Variants in USP34 observed in about 807,000 individuals in gnomAD.
USP34 encodes ubiquitin specific peptidase 34.
A neutral mutation model predicts 460.3 loss-of-function variants in USP34; 70 were observed. The ratio of observed to expected loss-of-function variants is 0.15; its 90% CI spans 0.13 to 0.19. USP34 has a LOEUF of 0.19. Among genes scored for constraint, USP34 ranks in the 10% least tolerant of loss-of-function variants. The pLI is 1.00. For synonymous variants in USP34, 1,647 were observed against 1,405.3 expected, an observed-to-expected ratio of 1.17 and a Z score of -3.85; for missense variants, 3,985 against 4,236.2, an observed-to-expected ratio of 0.94 and a Z score of 1.65.
intron 5 of USP34, among the ~76,000 whole-genome samples, chr2:61,393,846 T>C (rs903463202): frequency 6.6e-6 from 1 of 152,160 alleles, no homozygotes; most frequent in Non-Finnish European, 1.5e-5. Context: ...TAAAAGTATC[T>C]TTCTTTCCGG....
At chr2:61,215,752 A>G (rs763819059) in intron 67 of USP34, among the ~76,000 whole-genome samples, 7 of 152,230 alleles carry the variant, frequency 4.6e-5, no homozygotes, top group Non-Finnish European at 1.0e-4. Flanking sequence ...TAATAACTAT[A>G]ATAAGAATTG....
intron 75 of USP34, among the ~76,000 whole-genome samples, chr2:61,194,421 G>A (rs1422125648): frequency 3.9e-5 from 6 of 152,344 alleles, no homozygotes; most frequent in African/African-American, 1.4e-4. Context: ...TCAAAGTAGA[G>A]GAAGGGTTAG....
chr2:61,440,895 A>C (rs1304376556), intron 1 of USP34, among the ~76,000 whole-genome samples: 1 of 151,790 alleles, frequency 6.6e-6, no homozygotes, highest in Non-Finnish European at 1.5e-5. Context: ...TGGGAGGCCG[A>C]GACGGGTGGA....
At chr2:61,305,763 A>C (rs1572918057) in intron 27 of USP34, among the ~76,000 whole-genome samples, 2 of 152,204 alleles carry the variant, frequency 1.3e-5, no homozygotes, top group Non-Finnish European at 2.9e-5. Context: ...TGTTAAAGAA[A>C]AATCTTTATA....
intron 62 of USP34, 178 bp downstream of exon 62, chr2:61,226,889 C>A: frequency 1.3e-6 from 1 of 745,802 alleles, no homozygotes; most frequent in East Asian, 3.4e-5. Context: ...TCTTATGCCA[C>A]AAGAGTTGAT....
intron 41 of USP34, among the ~76,000 whole-genome samples, chr2:61,266,828 C>T (rs1449649084): frequency 6.6e-6 from 1 of 152,162 alleles, no homozygotes; most frequent in African/African-American, 2.4e-5. Context: ...CTGACCTTTG[C>T]CTACAGTCTG....
chr2:61,216,616 C>T (rs928995019), intron 67 of USP34, among the ~76,000 whole-genome samples: 1 of 147,410 alleles, frequency 6.8e-6, no homozygotes, highest in Non-Finnish European at 1.5e-5. Flanking sequence ...CAACAAAAAA[C>T]AAAAAACAAA....
chr2:61,468,883 G>C (rs1021211188), intron 1 of USP34, among the ~76,000 whole-genome samples: 1 of 152,092 alleles, frequency 6.6e-6, no homozygotes, highest in African/African-American at 2.4e-5. Flanking sequence ...ACTTTCTTTA[G>C]ATGTTTTGTT....
intron 3 of USP34, among the ~76,000 whole-genome samples, chr2:61,396,665 T>C (rs927469633): frequency 6.6e-6 from 1 of 152,090 alleles, no homozygotes; most frequent in Admixed American, 6.6e-5. Flanking sequence ...ATTTTTTGTA[T>C]TTTTAGTAGA....
rs898386737 is a variant in USP34, at chr2:61,413,780, C to T, written c.131+6966G>A. Among the ~76,000 whole-genome samples, 3 of 144,150 alleles carry T rather than the reference C, an allele frequency of 2.1e-5. No homozygotes were observed. In the Admixed American group the frequency reaches 2.2e-4, roughly 10 times the overall value. 94.6% of individuals were successfully genotyped at this position (144,150 alleles called of 152,430 possible). A position where few individuals can be genotyped will look rare whatever the true frequency, so the allele number is the denominator to read the frequency against. Reference sequence around the variant, plus strand: ...ATTGCCTGAGCTCAGGAGCTCGAGCCCAGCCTGGGCAACATGGGGAAACCC... The same window carrying T: ...ATTGCCTGAGCTCAGGAGCTCGAGCTCAGCCTGGGCAACATGGGGAAACCC... On this transcript the variant is annotated intron_variant, in intron 2 of 79. Transcript: ENST00000398571.
At chr2:61,272,008 C>T (rs1456134670) in intron 41 of USP34, among the ~76,000 whole-genome samples, 2 of 152,138 alleles carry the variant, frequency 1.3e-5, no homozygotes, top group Non-Finnish European at 2.9e-5. Context: ...TTTAACATTT[C>T]CAAAACAGAA....
chr2:61,387,482 A>AGT (rs892451176), intron 5 of USP34, among the ~76,000 whole-genome samples: 2 of 150,148 alleles, frequency 1.3e-5, no homozygotes, highest in Non-Finnish European at 3.0e-5. Flanking sequence ...CAACAACAAA[A>AGT]GTGTGTGTGT....
chr2:61,446,257 G>C (rs2104044056), intron 1 of USP34, among the ~76,000 whole-genome samples: 1 of 151,998 alleles, frequency 6.6e-6, no homozygotes, highest in Admixed American at 6.6e-5. Flanking sequence ...TGAAAATCTA[G>C]GGTCTAGCTT....
At chr2:61,212,602 T>C (rs1374379626) in intron 68 of USP34, among the ~76,000 whole-genome samples, 1 of 152,192 alleles carries the variant, frequency 6.6e-6, no homozygotes, top group African/African-American at 2.4e-5. Flanking sequence ...TATAGACTCA[T>C]ATGCACATGT....
At chr2:61,372,757 C>T (rs901096933) in intron 8 of USP34, among the ~76,000 whole-genome samples, 12 of 152,108 alleles carry the variant, frequency 7.9e-5, no homozygotes, top group African/African-American at 2.4e-4. Context: ...AATGATGCAA[C>T]TATAAAATTG....
chr2:61,261,187 C>T (rs967478323), intron 43 of USP34, among the ~76,000 whole-genome samples: 1 of 152,342 alleles, frequency 6.6e-6, no homozygotes, highest in East Asian at 1.9e-4. Context: ...AAAGCAGGAA[C>T]TCAAACATGT....
At chr2:61,467,508 C>G (rs1695808866) in intron 1 of USP34, among the ~76,000 whole-genome samples, 2 of 151,768 alleles carry the variant, frequency 1.3e-5, no homozygotes, top group African/African-American at 2.4e-5. Context: ...TGGAAACACA[C>G]CACCCAAAAA....
intron 1 of USP34, among the ~76,000 whole-genome samples, chr2:61,438,703 A>G (rs1365078365): frequency 6.6e-6 from 1 of 152,232 alleles, no homozygotes; most frequent in Non-Finnish European, 1.5e-5. Context: ...ACAAACCCAC[A>G]GCTATCATCT....
intron 18 of USP34, among the ~76,000 whole-genome samples, chr2:61,337,007 A>G (rs1691440522): frequency 6.6e-6 from 1 of 152,136 alleles, no homozygotes; most frequent in Non-Finnish European, 1.5e-5. Flanking sequence ...AATCTTTCAT[A>G]CAGTTTTCTC....
Sources: gnomAD v4.1 joint callset for allele counts (sites outside exome capture counted in the v4.1 genomes callset) on GRCh38, gnomAD v4.1.1 for gene constraint, MANE v1.5 for transcripts, NCBI Gene and HGNC (gene_info 2026-07-23, HGNC 2026-07-21) for gene names.